The following ITM2B variants were observed in gnomAD, a reference collection of about 807,000 sequenced individuals.
The protein encoded by ITM2B is integral membrane protein 2B.
A neutral mutation model predicts 27.8 loss-of-function variants in ITM2B; 11 were observed. The ratio of observed to expected loss-of-function variants is 0.40; its 90% CI spans 0.25 to 0.66. ITM2B has a LOEUF of 0.66. Among genes scored for constraint, ITM2B ranks in the 30% least tolerant of loss-of-function variants. ITM2B has a pLI of 0.43. For synonymous variants in ITM2B, 114 were observed against 114.3 expected (o/e 1.00, Z 0.02); for missense variants, 296 against 328.9 (o/e 0.90, Z 0.77).
chr13:48,240,510 T>A (rs1367771957), intron 1 of ITM2B, among the ~76,000 whole-genome samples: 1 of 152,234 alleles, frequency 6.6e-6, no homozygotes, highest in Non-Finnish European at 1.5e-5. Flanking sequence ...TATTACTTCT[T>A]ATATTACTGT....
chr13:48,249,721 C>T (rs75213434), intron 1 of ITM2B, among the ~76,000 whole-genome samples: 2,205 of 152,100 alleles, frequency 0.014, 51 homozygotes, highest in African/African-American at 0.048. Flanking sequence ...TAAAGTTTCA[C>T]CATTAAGTAT....
intron 1 of ITM2B, among the ~76,000 whole-genome samples, chr13:48,252,313 G>T (rs1334135014): frequency 6.6e-6 from 1 of 152,178 alleles, no homozygotes; most frequent in Non-Finnish European, 1.5e-5. Context: ...TAATACCGGG[G>T]TCCCCAACCG....
At chr13:48,233,699 G>A (rs1424733883) in intron 1 of ITM2B, among the ~76,000 whole-genome samples, 2 of 152,166 alleles carry the variant, frequency 1.3e-5, no homozygotes, top group African/African-American at 2.4e-5. Context: ...GGGGGCTTGG[G>A]AGGCCTGGAG....
chr13:48,262,574 C>G lies in ITM2B; in HGVS notation c.*1350C>G, dbSNP rs1951828885. The G allele has an allele frequency of 6.6e-6, 1 of 152,118 alleles. No individual in the cohort carries two copies. The highest frequency in any genetic ancestry group is 2.4e-5 in the African/African-American group (1 of 41,414). The allele number at this position is 152,118 out of a possible 1,614,324, so 9.4% of individuals were successfully genotyped here. Reference sequence around the variant, plus strand: ...ATTGGTTTTTCCTACTTTCCAGGCTCTAAAATTACATGAATTTTCAGGGAG... The same window carrying G: ...ATTGGTTTTTCCTACTTTCCAGGCTGTAAAATTACATGAATTTTCAGGGAG... On this transcript the variant is annotated 3_prime_UTR_variant, in exon 6 of 6. Transcript: ENST00000647800.
chr13:48,253,729 C>A, intron 1 of ITM2B, 79 bp from the exon 2 acceptor site: 1 of 1,369,126 alleles, frequency 7.3e-7, no homozygotes, highest in Non-Finnish European at 1.0e-6. Flanking sequence ...AAATGATAAT[C>A]ATTAAGGTTT....
intron 1 of ITM2B, among the ~76,000 whole-genome samples, chr13:48,249,951 A>T (rs892674585): frequency 6.6e-6 from 1 of 152,236 alleles, no homozygotes; most frequent in Non-Finnish European, 1.5e-5. Flanking sequence ...TCACTCTAAA[A>T]ACACTTTTAA....
At chr13:48,243,599 C>CTG (rs1951710979) in intron 1 of ITM2B, among the ~76,000 whole-genome samples, 2 of 151,884 alleles carry the variant, frequency 1.3e-5, no homozygotes, top group Non-Finnish European at 2.9e-5. Context: ...GAGGCTGAGG[C>CTG]AGGAGAATTG....
intron 1 of ITM2B, among the ~76,000 whole-genome samples, chr13:48,240,542 A>C (rs1380695622): frequency 1.3e-5 from 2 of 152,164 alleles, no homozygotes; most frequent in African/African-American, 2.4e-5. Flanking sequence ...CCTGCCTCAC[A>C]TGTCAGTAAC....
chr13:48,241,461 C>T (rs1361025058), intron 1 of ITM2B, among the ~76,000 whole-genome samples: 1 of 152,186 alleles, frequency 6.6e-6, no homozygotes, highest in Non-Finnish European at 1.5e-5. Flanking sequence ...GTCCACCCAC[C>T]TCGGCCTCTC....
At chr13:48,241,545 A>C (rs1317467948) in intron 1 of ITM2B, among the ~76,000 whole-genome samples, 2 of 152,068 alleles carry the variant, frequency 1.3e-5, no homozygotes, top group African/African-American at 2.4e-5. Context: ...TATTTCTCTA[A>C]ATCAGTGGTT....
At position 48,262,953 on chromosome 13, in the gene ITM2B, A is replaced by C. The variant is rs979534108; in HGVS notation, c.*1729A>C. ...AAGTTTTGCATTTTGGAAGGAGCTTATTAGTTTGTTTTCCTGTTGATTATA... is the reference window on the plus strand; with the variant it reads ...AAGTTTTGCATTTTGGAAGGAGCTTCTTAGTTTGTTTTCCTGTTGATTATA... On this transcript the variant is annotated 3_prime_UTR_variant, in exon 6 of 6. Coordinates refer to ENST00000647800, the MANE Select transcript of ITM2B (RefSeq NM_021999.5). The C allele has an allele frequency of 6.6e-6, 1 of 152,138 alleles. No individual in the cohort carries two copies. Among genetic ancestry groups the C allele is most frequent in the South Asian group, 2.1e-4 (1 of 4,828 alleles). 9.4% of individuals were successfully genotyped at this position (152,138 alleles called of 1,614,324 possible). A position where few individuals can be genotyped will look rare whatever the true frequency, so the allele number is the denominator to read the frequency against.
chr13:48,236,951 G>A (rs1283405417), intron 1 of ITM2B, among the ~76,000 whole-genome samples: 2 of 152,230 alleles, frequency 1.3e-5, no homozygotes, highest in African/African-American at 4.8e-5. Context: ...GTGGCAGGGT[G>A]AGTGCAAGAG....
chr13:48,260,341 T>TA (rs781109398), intron 5 of ITM2B, among the ~76,000 whole-genome samples: 4 of 152,236 alleles, frequency 2.6e-5, no homozygotes, highest in Non-Finnish European at 4.4e-5. Context: ...GCATGATTTA[T>TA]AATCCTTTGT....
At position 48,261,240 on chromosome 13, in the gene ITM2B, A is replaced by G; in HGVS notation, c.*16A>G. The G allele has an allele frequency of 6.5e-7, 1 of 1,540,636 alleles. No individual in the cohort carries two copies. The highest frequency in any genetic ancestry group is 9.0e-7 in the Non-Finnish European group (1 of 1,113,600). On this transcript the variant is annotated 3_prime_UTR_variant, in exon 6 of 6. Coordinates refer to ENST00000647800, the MANE Select transcript of ITM2B (RefSeq NM_021999.5). ...TTGTTCTTGAACAGTCAAGAAAAAC[A>G]TTATTGAGGAAAATTAATATCACAG...
At position 48,246,954 on chromosome 13, in the gene ITM2B, G is replaced by A. The variant is rs532309444; in HGVS notation, c.118-6854G>A. 2.0e-5 allele frequency among the ~76,000 whole-genome samples: 3 copies of A among 152,184 alleles called. No individual in the cohort carries two copies. The East Asian group carries it at 5.8e-4, about 29-fold the overall frequency. ...AGCGATTCTCGTGCCTCAGCCTCCC[G>A]AGTAGCTGGGATTACAGGCACAAGC... On this transcript the variant is annotated intron_variant, in intron 1 of 5. Transcript: ENST00000647800.
chr13:48,252,295 CTA>C (rs1951759959), intron 1 of ITM2B, among the ~76,000 whole-genome samples: 1 of 152,194 alleles, frequency 6.6e-6, no homozygotes, highest in Non-Finnish European at 1.5e-5. Flanking sequence ...TCAACCAAAT[CTA>C]TGTTCTAATA....
At chr13:48,245,434 CTT>C (rs151231069) in intron 1 of ITM2B, among the ~76,000 whole-genome samples, 3,352 of 151,934 alleles carry the variant, frequency 0.022, 106 homozygotes, top group African/African-American at 0.073. Flanking sequence ...AGATTTTAAA[CTT>C]ATTATTCATA....
intron 1 of ITM2B, among the ~76,000 whole-genome samples, chr13:48,247,285 A>G (rs1951730061): frequency 6.6e-6 from 1 of 152,186 alleles, no homozygotes; most frequent in African/African-American, 2.4e-5. Context: ...GTTTCTGAGT[A>G]ACTAAATCTA....
chr13:48,261,118 A>G lies in ITM2B; in HGVS notation c.716-21A>G, dbSNP rs543211976. 3 of 1,571,164 alleles carry G rather than the reference A, an allele frequency of 1.9e-6. No homozygotes were observed. The South Asian group carries it at 3.4e-5, about 18-fold the overall frequency. On this transcript the variant is annotated intron_variant, in intron 5 of 5. Transcript: ENST00000647800. ...TATTAAAGAATCAAAATTTTAAAAA[A>G]CTTTTTTCCCTCTCCAACAGGTATT...
Sources: gnomAD v4.1 joint callset for allele counts (sites outside exome capture counted in the v4.1 genomes callset) on GRCh38, gnomAD v4.1.1 for gene constraint, MANE v1.5 for transcripts, NCBI Gene and HGNC (gene_info 2026-07-23, HGNC 2026-07-21) for gene names.